GALK2: variants seen among roughly 807,000 people sequenced by gnomAD.
GALK2 encodes the protein N-acetylgalactosamine kinase.
A neutral mutation model predicts 52.4 loss-of-function variants in GALK2; 36 were observed. That is an observed-to-expected ratio of 0.69 (90% CI 0.53 to 0.91). The LOEUF (loss-of-function observed/expected upper bound fraction) is 0.91. Ranked by LOEUF, GALK2 falls within the 40% of genes least tolerant of loss-of-function variation. The pLI is 0.00. For synonymous variants in GALK2, 176 were observed against 199.1 expected (o/e 0.88, Z 0.98); for missense variants, 579 against 559.1 (o/e 1.04, Z -0.36).
chr15:49,340,778 C>T (rs1027098989), intron 3 of GALK2, among the ~76,000 whole-genome samples: 15 of 152,072 alleles, frequency 9.9e-5, no homozygotes, highest in African/African-American at 3.6e-4. Flanking sequence ...TTAGGTCCCA[C>T]TTGTCAATTT....
chr15:49,366,625 G>A (rs2045238903), intron 3 of GALK2: 2 of 1,588,684 alleles, frequency 1.3e-6, no homozygotes, highest in Non-Finnish European at 8.6e-7. Flanking sequence ...CTGTCAGCTG[G>A]AGCAGGAAGC....
chr15:49,194,153 C>A (rs943548662), intron 1 of GALK2: 1 of 151,928 alleles, frequency 6.6e-6, no homozygotes, highest in Non-Finnish European at 1.5e-5. Context: ...TGGTGAAACC[C>A]CATCTCTACT....
At chr15:49,239,747 G>T (rs1384851903) in intron 5 of GALK2, among the ~76,000 whole-genome samples, 1 of 152,094 alleles carries the variant, frequency 6.6e-6, no homozygotes, top group Admixed American at 6.5e-5. Flanking sequence ...GGTTACAAGG[G>T]TAAAGACTAG....
chr15:49,359,981 T>C (rs2043897056), intron 3 of GALK2, among the ~76,000 whole-genome samples: 1 of 148,902 alleles, frequency 6.7e-6, no homozygotes, highest in Admixed American at 6.7e-5. Flanking sequence ...CAGTAAACTA[T>C]CGCAAGAACA....
chr15:49,291,176 GT>G, intron 7 of GALK2, among the ~76,000 whole-genome samples: 1 of 148,626 alleles, frequency 6.7e-6, no homozygotes, highest in Non-Finnish European at 1.5e-5. Flanking sequence ...TTTGCTTTTT[GT>G]TTTTTGTTTT....
At chr15:49,355,298 C>A (rs990947859) in intron 3 of GALK2, among the ~76,000 whole-genome samples, 3 of 151,936 alleles carry the variant, frequency 2.0e-5, no homozygotes, top group Non-Finnish European at 4.4e-5. Flanking sequence ...CTCTGAGCTA[C>A]GGGAGGACAT....
At chr15:49,338,395 G>C in intron 3 of GALK2, among the ~76,000 whole-genome samples, 1 of 152,156 alleles carries the variant, frequency 6.6e-6, no homozygotes, top group Middle Eastern at 3.2e-3. Flanking sequence ...AGCTTAGTTT[G>C]GCTGGATATG....
chr15:49,299,760 T>TTTCTTTCTTTCC (rs2034894052), intron 8 of GALK2, among the ~76,000 whole-genome samples: 1 of 123,530 alleles, frequency 8.1e-6, no homozygotes, highest in African/African-American at 3.0e-5. Flanking sequence ...TCTTTCTTTC[T>TTTCTTTCTTTCC]TTCTTTCTTT....
chr15:49,301,524 G>C (rs2059934), intron 8 of GALK2, among the ~76,000 whole-genome samples: 150,012 of 152,234 alleles, frequency 0.99, 73,920 homozygotes, highest in Middle Eastern at 1. Context: ...GAGATAGGCA[G>C]ATGTATCAAG....
At chr15:49,156,029 C>T in intron 1 of GALK2, 1 of 1,613,976 alleles carries the variant, frequency 6.2e-7, no homozygotes, top group Non-Finnish European at 8.5e-7. Flanking sequence ...ATTATTTCTG[C>T]TATCATTGTA....
At chr15:49,208,720 CT>C (rs1406606750) in intron 2 of GALK2, among the ~76,000 whole-genome samples, 4 of 152,170 alleles carry the variant, frequency 2.6e-5, no homozygotes, top group Non-Finnish European at 4.4e-5. Flanking sequence ...GACTTTCTGT[CT>C]TGATGACCTG....
At chr15:49,168,386 C>T (rs2084892243), upstream of GALK2, among the ~76,000 whole-genome samples, 1 of 151,816 alleles carries the variant, frequency 6.6e-6, no homozygotes, top group Non-Finnish European at 1.5e-5. Context: ...TGTTATTTTT[C>T]AACTAATGCA....
intron 5 of GALK2, among the ~76,000 whole-genome samples, chr15:49,279,608 A>G (rs1442479244): frequency 6.6e-6 from 1 of 152,200 alleles, no homozygotes; most frequent in Non-Finnish European, 1.5e-5. Context: ...GATAATGCTT[A>G]CAAAAGAAAT....
rs1314491852 is a variant in GALK2, at chr15:49,331,708, T to C, written c.*3549T>C. Reference sequence around the variant, plus strand: ...TGGGTGTGCCACCATACATTGCTTATGAAATATTGTCCAGTCTATATAAAA... The same window carrying C: ...TGGGTGTGCCACCATACATTGCTTACGAAATATTGTCCAGTCTATATAAAA... On this transcript the variant is annotated 3_prime_UTR_variant, in exon 10 of 10. Transcript: ENST00000560031. The C allele has an allele frequency of 2.2e-5, 21 of 949,140 alleles. No homozygotes were observed. In the East Asian group the frequency reaches 4.3e-4, roughly 20 times the overall value. The allele number at this position is 949,140 out of a possible 1,614,324, so 58.8% of individuals were successfully genotyped here.
intron 3 of GALK2, among the ~76,000 whole-genome samples, chr15:49,357,221 A>C (rs2043304622): frequency 6.6e-6 from 1 of 150,418 alleles, no homozygotes; most frequent in African/African-American, 2.5e-5. Context: ...AGAAGGCAAG[A>C]AATAACTAAA....
chr15:49,311,546 GC>G (rs1401792163), intron 8 of GALK2, among the ~76,000 whole-genome samples: 2 of 152,094 alleles, frequency 1.3e-5, no homozygotes, highest in African/African-American at 4.8e-5. Context: ...CGTTCTTTCT[GC>G]CCAACCCTTT....
Position 49,331,437 on chromosome 15 carries a change from C to G in GALK2, c.*3278C>G, listed in dbSNP as rs1225193689. ...GGCAGGGACCATTCATCTAACACAG[C>G]TGTTGGTACCCAATATGATTTTGTT... On this transcript the variant is annotated 3_prime_UTR_variant, in exon 10 of 10. Transcript: ENST00000560031. 4.4e-6 allele frequency: 1 copy of G among 228,182 alleles called. No homozygotes were observed. The highest frequency in any genetic ancestry group is 8.6e-6 in the Non-Finnish European group (1 of 116,214). The allele number at this position is 228,182 out of a possible 1,614,324, so 14.1% of individuals were successfully genotyped here.
At position 49,269,878 on chromosome 15, in the gene GALK2, A is replaced by G. The variant is rs182934904; in HGVS notation, c.505-12109A>G. Among the ~76,000 whole-genome samples the G allele has an allele frequency of 3.2e-4, 49 of 152,266 alleles. 1 individual carries two copies. The East Asian group carries it at 8.3e-3, about 26-fold the overall frequency. On this transcript the variant is annotated intron_variant, in intron 5 of 9. Transcript: ENST00000560031. ...TATCCTTTCTATCTATATATCCCCAATTGTCTCCTCCTTTTGATAGTAGAA... is the reference window on the plus strand; with the variant it reads ...TATCCTTTCTATCTATATATCCCCAGTTGTCTCCTCCTTTTGATAGTAGAA...
chr15:49,365,617 A>G (rs1290169513), intron 3 of GALK2: 4 of 1,106,882 alleles, frequency 3.6e-6, no homozygotes, highest in Non-Finnish European at 5.6e-6. Context: ...TGGTGTTATG[A>G]AAACAAAAAA....
Sources: allele counts gnomAD v4.1 joint callset (sites outside exome capture counted in the v4.1 genomes callset), GRCh38; gene constraint gnomAD v4.1.1; transcripts MANE v1.5; gene names NCBI Gene and HGNC (gene_info 2026-07-23, HGNC 2026-07-21).